Variants in ANKS1B observed in about 807,000 individuals in gnomAD.
The protein encoded by ANKS1B is ankyrin repeat and sterile alpha motif domain-containing protein 1B.
Under a neutral mutation model 148.3 loss-of-function variants are expected in ANKS1B, and 36 were observed. The ratio of observed to expected loss-of-function variants is 0.24; its 90% CI spans 0.19 to 0.32. The LOEUF is 0.32. Among genes scored for constraint, ANKS1B ranks in the 10% least tolerant of loss-of-function variants. The probability of loss-of-function intolerance (pLI) is 1.00; values close to 1 mark genes in which losing one functional copy is unlikely to be tolerated. For missense variants in ANKS1B, 1,157 were observed against 1,542.6 expected (o/e 0.75, Z 4.19); for synonymous variants, 542 against 560.8 (o/e 0.97, Z 0.47).
intron 16 of ANKS1B, among the ~76,000 whole-genome samples, chr12:99,073,769 G>T (rs570289908): frequency 5.3e-5 from 8 of 152,216 alleles, no homozygotes; most frequent in African/African-American, 1.9e-4. Context: ...TAGTCAATTG[G>T]TTCTTTCATT....
At chr12:99,434,240 T>G (rs1308300786) in intron 11 of ANKS1B, among the ~76,000 whole-genome samples, 1 of 152,136 alleles carries the variant, frequency 6.6e-6, no homozygotes, top group Non-Finnish European at 1.5e-5. Flanking sequence ...TAGACTATAT[T>G]TCAAATTCTA....
chr12:98,814,959 T>A (rs540473050), intron 19 of ANKS1B, among the ~76,000 whole-genome samples: 1 of 152,356 alleles, frequency 6.6e-6, no homozygotes, highest in Admixed American at 6.5e-5. Flanking sequence ...TACCGTCTTA[T>A]ACTTTCGGTT....
chr12:99,289,528 A>G (rs763861299), intron 12 of ANKS1B, among the ~76,000 whole-genome samples: 60 of 152,072 alleles, frequency 3.9e-4, no homozygotes, highest in Admixed American at 7.9e-4. Context: ...GTCACAAAAG[A>G]AGTCTTAAAG....
intron 9 of ANKS1B, among the ~76,000 whole-genome samples, chr12:99,565,321 C>A (rs1182235831): frequency 1.3e-5 from 2 of 152,118 alleles, no homozygotes; most frequent in Admixed American, 1.3e-4. Flanking sequence ...CCATTAAGTG[C>A]AGCTCCTGGG....
intron 6 of ANKS1B, among the ~76,000 whole-genome samples, chr12:99,776,724 G>A (rs1300536117): frequency 6.6e-6 from 1 of 152,046 alleles, no homozygotes; most frequent in Non-Finnish European, 1.5e-5. Flanking sequence ...CTGTCGCCCA[G>A]GCTGGAGTGC....
chr12:99,598,086 T>C (rs184897809), intron 9 of ANKS1B, among the ~76,000 whole-genome samples: 222 of 152,186 alleles, frequency 1.5e-3, no homozygotes, highest in Non-Finnish European at 2.7e-3. Context: ...CTGAGTCTTG[T>C]ATCCATCAGA....
intron 10 of ANKS1B, among the ~76,000 whole-genome samples, chr12:99,448,625 A>G (rs2095675446): frequency 6.6e-6 from 1 of 152,274 alleles, no homozygotes; most frequent in Non-Finnish European, 1.5e-5. Flanking sequence ...AATCAGTTCA[A>G]TTTAGCTATT....
chr12:98,817,916 A>AG (rs1263897589), intron 19 of ANKS1B, among the ~76,000 whole-genome samples: 1 of 152,112 alleles, frequency 6.6e-6, no homozygotes, highest in Non-Finnish European at 1.5e-5. Context: ...GGGAAGGAAA[A>AG]GCCAGGCCAA....
At chr12:99,709,164 A>G (rs1336858321) in intron 8 of ANKS1B, among the ~76,000 whole-genome samples, 2 of 152,162 alleles carry the variant, frequency 1.3e-5, no homozygotes, top group Non-Finnish European at 2.9e-5. Flanking sequence ...ACATGCACAC[A>G]TAAGCACACG....
chr12:99,944,506 T>C (rs2153818243), intron 1 of ANKS1B, among the ~76,000 whole-genome samples: 1 of 152,296 alleles, frequency 6.6e-6, no homozygotes, highest in African/African-American at 2.4e-5. Flanking sequence ...TTGTTCTTAC[T>C]GGGACAAGGA....
At chr12:99,373,102 T>A (rs1240773732) in intron 12 of ANKS1B, among the ~76,000 whole-genome samples, 4 of 152,132 alleles carry the variant, frequency 2.6e-5, no homozygotes, top group African/African-American at 9.7e-5. Context: ...AAATTTCAAG[T>A]GTAGGTTCAT....
At chr12:98,907,434 C>T (rs1363226021) in intron 17 of ANKS1B, among the ~76,000 whole-genome samples, 1 of 152,202 alleles carries the variant, frequency 6.6e-6, no homozygotes, top group Non-Finnish European at 1.5e-5. Context: ...CTGTCTCATG[C>T]TGGTCCTGCT....
At chr12:99,737,897 T>G (rs1268989029) in intron 8 of ANKS1B, among the ~76,000 whole-genome samples, 1 of 152,138 alleles carries the variant, frequency 6.6e-6, no homozygotes, top group East Asian at 1.9e-4. Context: ...ATCAATAGTT[T>G]ATTAATTTTA....
At chr12:99,692,379 A>C (rs768655591) in intron 8 of ANKS1B, among the ~76,000 whole-genome samples, 1 of 152,122 alleles carries the variant, frequency 6.6e-6, no homozygotes, top group Non-Finnish European at 1.5e-5. Flanking sequence ...AGGGTAAGAA[A>C]AAGAGATGAG....
chr12:99,448,400 C>T (rs2095671067), intron 10 of ANKS1B, among the ~76,000 whole-genome samples: 1 of 152,030 alleles, frequency 6.6e-6, no homozygotes, highest in Admixed American at 6.6e-5. Context: ...CAAAGTCGAA[C>T]TCACAGAAGC....
intron 15 of ANKS1B, among the ~76,000 whole-genome samples, chr12:99,088,836 C>CTTTTTTTT (rs1292229404): frequency 4.2e-5 from 2 of 47,738 alleles, no homozygotes; most frequent in East Asian, 8.0e-4. Flanking sequence ...AGTTTAACTT[C>CTTTTTTTT]TGTTTTTTTT....
chr12:99,155,623 G>T (rs1046159537), intron 14 of ANKS1B, among the ~76,000 whole-genome samples: 2 of 152,076 alleles, frequency 1.3e-5, no homozygotes, highest in Admixed American at 6.6e-5. Flanking sequence ...TTACTGAATG[G>T]CAGATAGACT....
At chr12:99,747,532 A>C (rs3924115) in intron 8 of ANKS1B, among the ~76,000 whole-genome samples, 66,442 of 151,882 alleles carry the variant, frequency 0.44, 14,940 homozygotes, top group South Asian at 0.61. Context: ...ACTTCCTGTT[A>C]AAAAATCTTT....
At chr12:99,628,894 T>A (rs1036158575) in intron 9 of ANKS1B, among the ~76,000 whole-genome samples, 5 of 152,218 alleles carry the variant, frequency 3.3e-5, no homozygotes, top group Non-Finnish European at 7.3e-5. Context: ...TGGTCCCACC[T>A]CTTAATACTT....
Sources: allele counts gnomAD v4.1 joint callset (sites outside exome capture counted in the v4.1 genomes callset), GRCh38; gene constraint gnomAD v4.1.1; transcripts MANE v1.5; gene names NCBI Gene and HGNC (gene_info 2026-07-23, HGNC 2026-07-21).